Variants in INSR observed in about 807,000 individuals in gnomAD.
The protein encoded by INSR is insulin receptor, also known as IR.
A neutral mutation model predicts 142.6 loss-of-function variants in INSR; 67 were observed. The ratio of observed to expected loss-of-function variants is 0.47; its 90% confidence interval spans 0.39 to 0.58. The LOEUF (loss-of-function observed/expected upper bound fraction) is 0.58, where lower values mean the gene tolerates loss of function less well. INSR is among the 20% of genes least tolerant of loss of function. The pLI, the probability that INSR is intolerant of heterozygous loss-of-function variation, is 0.00. For synonymous variants in INSR, 756 were observed against 743.1 expected (o/e 1.02, Z -0.28); for missense variants, 1,248 against 1,833.2 (o/e 0.68, Z 5.83).
Position 7,184,398 on chromosome 19 carries a change from T to C in INSR, c.892A>G (p.Arg298Gly). Residue 298 changes from arginine (R) to glycine (G), a missense_variant, in exon 3 of 22, where the codon AGG becomes GGG. By Grantham distance (125) the Arg-to-Gly change is moderately radical. Coordinates refer to ENST00000302850, the MANE Select transcript of INSR (RefSeq NM_000208.4). ...DLHHKCKNSR[R>G]QGCHQYVIHN... ...ATGACGTACTGGTGGCAGCCCTGCC[T>C]CCGCGAGTTCTTGCATTTGTGGTGC... 6.2e-7 allele frequency: 1 copy of C among 1,614,058 alleles called. No individual in the cohort carries two copies. Among genetic ancestry groups the C allele is most frequent in the Non-Finnish European group, 8.5e-7 (1 of 1,180,014 alleles).
rs2352953 is a variant in INSR at position 7,163,315 on chromosome 19, T to C, written c.1862-116A>G. 0.083 allele frequency: 87,715 copies of C among 1,057,042 alleles called. 5,813 individuals carry two copies. The highest frequency in any genetic ancestry group is 0.23 in the African/African-American group (14,758 of 62,890). The allele number at this position is 1,057,042 out of a possible 1,614,324, so 65.5% of individuals were successfully genotyped here. On this transcript the variant is annotated intron_variant, in intron 8 of 21. Transcript: ENST00000302850. ...CATCATGAGGGCACCCATCCCAGCA[T>C]TTTGGGCGGCCAAGGCAGGCGGATC...
At chr19:7,238,002 G>A (rs1976217339) in intron 2 of INSR, among the ~76,000 whole-genome samples, 1 of 152,040 alleles carries the variant, frequency 6.6e-6, no homozygotes, top group Admixed American at 6.6e-5. Flanking sequence ...GGAAGGGGAG[G>A]TTTCCCTCCA....
At chr19:7,242,847 G>C (rs1316110074) in intron 2 of INSR, among the ~76,000 whole-genome samples, 1 of 150,942 alleles carries the variant, frequency 6.6e-6, no homozygotes, top group African/African-American at 2.4e-5. Flanking sequence ...TGAAAATTTT[G>C]GCCTAAAAAA....
rs372773940 is a variant in INSR, at chr19:7,132,709, A to C, written c.2683-392T>G. Among the ~76,000 whole-genome samples, 29 of 151,254 alleles carry C rather than the reference A, an allele frequency of 1.9e-4. No homozygotes were observed. In the South Asian group the frequency reaches 6.0e-3, roughly 32 times the overall value. ...CGGGTTCAAGTGATTCTCCTGCCTC[A>C]GCCTCCCGAGTAGCTGGGATTACAG... On this transcript the variant is annotated intron_variant, in intron 13 of 21. Coordinates refer to ENST00000302850, the MANE Select transcript of INSR (RefSeq NM_000208.4).
chr19:7,264,489 G>C (rs1450762202), intron 2 of INSR, among the ~76,000 whole-genome samples: 3 of 147,526 alleles, frequency 2.0e-5, no homozygotes, highest in Non-Finnish European at 4.5e-5. Flanking sequence ...CTCAAGATAG[G>C]TAGGCCTAGA....
chr19:7,244,693 A>G (rs982091994), intron 2 of INSR, among the ~76,000 whole-genome samples: 5 of 152,150 alleles, frequency 3.3e-5, no homozygotes, highest in African/African-American at 1.2e-4. Flanking sequence ...AACATTATAG[A>G]CATTTCTGTT....
chr19:7,282,058 A>G (rs1356138633), intron 1 of INSR, among the ~76,000 whole-genome samples: 5 of 152,164 alleles, frequency 3.3e-5, no homozygotes, highest in South Asian at 2.1e-4. Flanking sequence ...TGGAAACAAA[A>G]TATGTTTCTA....
intron 2 of INSR, among the ~76,000 whole-genome samples, chr19:7,197,514 G>GTGT (rs1974787439): frequency 7.4e-5 from 2 of 26,992 alleles, no homozygotes; most frequent in Non-Finnish European, 9.8e-5. Context: ...AGTGGGAGTG[G>GTGT]GGGTGTGTGT....
chr19:7,272,381 G>A (rs1460357651), intron 1 of INSR, among the ~76,000 whole-genome samples: 1 of 152,102 alleles, frequency 6.6e-6, no homozygotes, highest in African/African-American at 2.4e-5. Context: ...GCTTTGGGAG[G>A]CTGAGGCAGG....
At chr19:7,215,517 C>T (rs1001267856) in intron 2 of INSR, among the ~76,000 whole-genome samples, 9 of 151,218 alleles carry the variant, frequency 6.0e-5, no homozygotes, top group African/African-American at 9.7e-5. Flanking sequence ...AGCTTGGAAA[C>T]GCCAGCAGCC....
intron 1 of INSR, among the ~76,000 whole-genome samples, chr19:7,287,866 T>G (rs1179363172): frequency 6.6e-6 from 1 of 152,174 alleles, no homozygotes; most frequent in Non-Finnish European, 1.5e-5. Context: ...AGGGCCAAAG[T>G]GTAAATATTT....
intron 3 of INSR, among the ~76,000 whole-genome samples, chr19:7,179,093 G>T (rs1974211738): frequency 1.3e-5 from 2 of 152,084 alleles, no homozygotes; most frequent in Non-Finnish European, 2.9e-5. Context: ...TTAAATTTTT[G>T]TAGAGATGGG....
At chr19:7,227,768 C>T (rs546498641) in intron 2 of INSR, among the ~76,000 whole-genome samples, 2 of 152,106 alleles carry the variant, frequency 1.3e-5, no homozygotes, top group South Asian at 2.1e-4. Flanking sequence ...AAAGGCAGCC[C>T]ACCCTGATGA....
chr19:7,242,361 C>T (rs1976380306), intron 2 of INSR, among the ~76,000 whole-genome samples: 1 of 151,996 alleles, frequency 6.6e-6, no homozygotes, highest in African/African-American at 2.4e-5. Flanking sequence ...ACATGGTACA[C>T]ATCTTTTTAA....
chr19:7,129,478 C>G (rs1972726433), intron 14 of INSR, among the ~76,000 whole-genome samples: 1 of 152,110 alleles, frequency 6.6e-6, no homozygotes, highest in South Asian at 2.1e-4. Flanking sequence ...GCATGCACCA[C>G]CACACCCGGC....
intron 2 of INSR, among the ~76,000 whole-genome samples, chr19:7,185,392 AGG>A (rs1974399193): frequency 2.0e-5 from 3 of 152,188 alleles, no homozygotes. Context: ...ACTGAGGTAC[AGG>A]GAGGTTAAGT....
rs10673049 is a variant in INSR, at chr19:7,139,821, C to CTTTTTT, written c.2682+1850_2682+1855dup. Among the ~76,000 whole-genome samples, 12 of 115,718 alleles carry CTTTTTT rather than the reference C, an allele frequency of 1.0e-4. 1 individual carries two copies. Among genetic ancestry groups the CTTTTTT allele is most frequent in the African/African-American group, 9.9e-5 (3 of 30,412 alleles). The allele number at this position is 115,718 out of a possible 152,430, so 75.9% of individuals were successfully genotyped here. Reference sequence around the variant, plus strand: ...CCACATATAGTCTCTGTTGCGTATTCTTTTTTTTTTTTTTTTTTTTGAGAC... The same window carrying CTTTTTT: ...CCACATATAGTCTCTGTTGCGTATTCTTTTTTTTTTTTTTTTTTTTTTTTTTGAGAC... On this transcript the variant is annotated intron_variant, in intron 13 of 21. Transcript: ENST00000302850.
At chr19:7,203,043 A>G (rs1975013740) in intron 2 of INSR, among the ~76,000 whole-genome samples, 1 of 141,768 alleles carries the variant, frequency 7.1e-6, no homozygotes, top group South Asian at 2.2e-4. Flanking sequence ...GATTTTTCTA[A>G]CTATTCCAAG....
At chr19:7,244,809 T>C (rs1019926612) in intron 2 of INSR, among the ~76,000 whole-genome samples, 1 of 152,180 alleles carries the variant, frequency 6.6e-6, no homozygotes, top group Non-Finnish European at 1.5e-5. Flanking sequence ...AAAGAACATG[T>C]TTATGTAAAA....
Sources: allele counts gnomAD v4.1 joint callset (sites outside exome capture counted in the v4.1 genomes callset), GRCh38; gene constraint gnomAD v4.1.1; transcripts MANE v1.5; gene names NCBI Gene and HGNC (gene_info 2026-07-23, HGNC 2026-07-21).